The following ATP11A variants were observed in gnomAD, a reference collection of about 807,000 sequenced individuals.
ATP11A encodes ATPase phospholipid transporting 11A.
A neutral mutation model predicts 154.4 loss-of-function variants in ATP11A; 81 were observed. The observed-to-expected ratio is 0.52, with a 90% CI of 0.44 to 0.63. The LOEUF is 0.63. Ranked by LOEUF, ATP11A falls within the 30% of genes least tolerant of loss-of-function variation. The pLI is 0.00. For synonymous variants in ATP11A, 623 were observed against 585.9 expected, an observed-to-expected ratio of 1.06 and a Z score of -0.91; for missense variants, 1,316 against 1,474.3, an observed-to-expected ratio of 0.89 and a Z score of 1.76.
At chr13:112,800,337 A>G (rs2078101068) in intron 2 of ATP11A, among the ~76,000 whole-genome samples, 1 of 152,206 alleles carries the variant, frequency 6.6e-6, no homozygotes, top group African/African-American at 2.4e-5. Flanking sequence ...TAACATGGCT[A>G]ATAAAAAGAT....
In ATP11A at chr13:112,760,264, G is replaced by A. The variant is rs531492215; in HGVS notation, c.40-24871G>A. On this transcript the variant is annotated intron_variant, in intron 1 of 29. Coordinates refer to ENST00000375645, the MANE Select transcript of ATP11A (RefSeq NM_015205.3). ...AGTACAGTTGAGGAAGGGGCACCTC[G>A]CTGTGAGTTTCATGCTTCCCTTCGT... Among the ~76,000 whole-genome samples the A allele has an allele frequency of 4.6e-5, 7 of 152,270 alleles. 1 individual carries two copies. Among genetic ancestry groups the A allele is most frequent in the African/African-American group, 9.6e-5 (4 of 41,546 alleles).
chr13:112,793,596 C>T (rs2077918997), intron 2 of ATP11A, among the ~76,000 whole-genome samples: 1 of 152,246 alleles, frequency 6.6e-6, no homozygotes, highest in Non-Finnish European at 1.5e-5. Context: ...TTTTGCATCC[C>T]TGCCTCCCGG....
chr13:112,705,253 C>T (rs149553600), intron 1 of ATP11A, among the ~76,000 whole-genome samples: 1 of 146,672 alleles, frequency 6.8e-6, no homozygotes, highest in African/African-American at 2.8e-5. Flanking sequence ...TTATTTAACT[C>T]CTTTTACCAT....
intron 5 of ATP11A, among the ~76,000 whole-genome samples, chr13:112,814,602 G>C (rs1027582703): frequency 2.6e-5 from 4 of 152,152 alleles, no homozygotes; most frequent in Admixed American, 6.5e-5. Context: ...CCCTGCACCA[G>C]GGGATGGCTG....
chr13:112,818,740 A>G (rs2078714930), intron 6 of ATP11A, among the ~76,000 whole-genome samples: 1 of 152,196 alleles, frequency 6.6e-6, no homozygotes. Context: ...CCCTAGACCC[A>G]CTGCATCAGA....
chr13:112,764,187 C>T (rs2077023168), intron 1 of ATP11A, among the ~76,000 whole-genome samples: 2 of 152,184 alleles, frequency 1.3e-5, no homozygotes, highest in South Asian at 4.1e-4. Flanking sequence ...AACCCTGACC[C>T]TAGGCGTCCT....
intron 11 of ATP11A, 87 bp downstream of exon 11, chr13:112,825,667 A>G (rs2078915025): frequency 2.1e-6 from 3 of 1,450,844 alleles, no homozygotes; most frequent in Non-Finnish European, 2.8e-6. Flanking sequence ...GATGACGGTG[A>G]ATTTACTGTA....
At position 112,859,810 on chromosome 13, in the gene ATP11A, C is replaced by T. The variant is rs1221665810; in HGVS notation, c.2727+358C>T. 3.3e-5 allele frequency among the ~76,000 whole-genome samples: 5 copies of T among 152,198 alleles called. No homozygotes were observed. The highest frequency in any genetic ancestry group is 2.1e-4 in the South Asian group (1 of 4,822). On this transcript the variant is annotated intron_variant, in intron 23 of 29. Transcript: ENST00000375645. This position sits in a 1 kb window ranked among gnomAD's most constrained non-coding sequence, Gnocchi z 4.3. ...AGGTCCTTGTGGACATGGGCCACCC[C>T]GGTGCCTGGCACGTTAACACATGCA...
intron 1 of ATP11A, among the ~76,000 whole-genome samples, chr13:112,739,251 A>C (rs570405788): frequency 6.6e-6 from 1 of 152,348 alleles, no homozygotes; most frequent in Non-Finnish European, 1.5e-5. Flanking sequence ...TCCAGAAGAC[A>C]CAAAGAACTC....
chr13:112,790,312 ACGTGTAGACCCC>A (rs1164248784), intron 2 of ATP11A, among the ~76,000 whole-genome samples: 8 of 151,704 alleles, frequency 5.3e-5, no homozygotes, highest in African/African-American at 1.9e-4. Flanking sequence ...GAGCATCCTG[ACGTGTAGACCCC>A]TGTGTAGACC....
intron 1 of ATP11A, among the ~76,000 whole-genome samples, chr13:112,721,305 T>C (rs1040178831): frequency 6.6e-6 from 1 of 152,204 alleles, no homozygotes; most frequent in Non-Finnish European, 1.5e-5. Flanking sequence ...GAAAACTGTT[T>C]GTTTTGGTCT....
intron 1 of ATP11A, among the ~76,000 whole-genome samples, chr13:112,693,557 G>C (rs541676383): frequency 6.6e-6 from 1 of 152,120 alleles, no homozygotes; most frequent in South Asian, 2.1e-4. Context: ...GTGGACTGGC[G>C]TATGTGTTGT....
At chr13:112,751,064 G>C (rs747195310) in intron 1 of ATP11A, among the ~76,000 whole-genome samples, 3 of 152,220 alleles carry the variant, frequency 2.0e-5, no homozygotes, top group African/African-American at 7.2e-5. Context: ...GAACCTTGGC[G>C]GTGGGGCCGC....
intron 1 of ATP11A, among the ~76,000 whole-genome samples, chr13:112,782,804 C>T (rs865997685): frequency 2.0e-4 from 30 of 152,302 alleles, no homozygotes; most frequent in African/African-American, 6.7e-4. Flanking sequence ...CCAGCAGGCT[C>T]GCGGGGAGGC....
intron 2 of ATP11A, among the ~76,000 whole-genome samples, chr13:112,789,898 A>T (rs993211311): frequency 6.6e-6 from 1 of 151,260 alleles, no homozygotes; most frequent in Non-Finnish European, 1.5e-5. Context: ...ACCCCTGTGG[A>T]GACCTACTTA....
chr13:112,827,503 C>T (rs547731359), intron 12 of ATP11A, among the ~76,000 whole-genome samples: 10 of 152,334 alleles, frequency 6.6e-5, no homozygotes, highest in Non-Finnish European at 1.2e-4. Flanking sequence ...ACCGCACCAC[C>T]GGGAGGCACA....
intron 1 of ATP11A, among the ~76,000 whole-genome samples, chr13:112,721,518 C>G (rs975893881): frequency 6.6e-6 from 1 of 152,202 alleles, no homozygotes; most frequent in African/African-American, 2.4e-5. Context: ...CTGCTGAAGA[C>G]ACAGAAACAG....
At chr13:112,776,388 G>T (rs765629794) in intron 1 of ATP11A, among the ~76,000 whole-genome samples, 1 of 152,098 alleles carries the variant, frequency 6.6e-6, no homozygotes, top group African/African-American at 2.4e-5. Context: ...CTTTATTAAC[G>T]GGGAAATGTG....
At chr13:112,720,522 A>G (rs1242590289) in intron 1 of ATP11A, among the ~76,000 whole-genome samples, 1 of 151,900 alleles carries the variant, frequency 6.6e-6, no homozygotes, top group Non-Finnish European at 1.5e-5. Context: ...CCGGGGCTTT[A>G]TCACGCAGAT....
Sources: allele counts gnomAD v4.1 joint callset (sites outside exome capture counted in the v4.1 genomes callset), GRCh38; gene constraint gnomAD v4.1.1; non-coding constraint Gnocchi (gnomAD v3.1); transcripts MANE v1.5; gene names NCBI Gene and HGNC (gene_info 2026-07-23, HGNC 2026-07-21).